The following NRXN3 variants were observed in gnomAD, a reference collection of about 807,000 sequenced individuals.
NRXN3 encodes neurexin III.
Under a neutral mutation model 137.6 loss-of-function variants are expected in NRXN3, and 32 were observed. The observed-to-expected ratio is 0.23, with a 90% confidence interval of 0.18 to 0.31. NRXN3 has a LOEUF of 0.31. NRXN3 is among the 10% of genes least tolerant of loss of function. NRXN3 has a pLI of 1.00. For missense variants in NRXN3, 1,574 were observed against 2,062.5 expected (o/e 0.76, Z 4.59); for synonymous variants, 798 against 784.5 (o/e 1.02, Z -0.29).
chr14:78,637,824 G>A (rs759672409), intron 4 of NRXN3, among the ~76,000 whole-genome samples: 3 of 152,164 alleles, frequency 2.0e-5, no homozygotes, highest in African/African-American at 7.2e-5. Context: ...TTTGTAAAAT[G>A]TCAGCTAATG....
intron 15 of NRXN3, chr14:79,280,044 C>T (rs1487063904): frequency 7.6e-7 from 1 of 1,322,692 alleles, no homozygotes; most frequent in Non-Finnish European, 9.6e-7. Context: ...CCTGGGAGGA[C>T]CCTGGCATTC....
rs556906146 is a variant in NRXN3, at chr14:79,280,597, C to T, written c.3263-186624C>T. 63 of 1,474,772 alleles carry T rather than the reference C, an allele frequency of 4.3e-5. No individual in the cohort carries two copies. The African/African-American group carries it at 7.9e-4, about 19-fold the overall frequency. 91.4% of individuals were successfully genotyped at this position (1,474,772 alleles called of 1,614,324 possible). On this transcript the variant is annotated intron_variant, in intron 15 of 20. Transcript: ENST00000335750. Reference sequence around the variant, plus strand: ...GCATAGCAATTCGCTAACCCACTAGCCTTGCAGGTAGTGTCAAAGGTGGGA... The same window carrying T: ...GCATAGCAATTCGCTAACCCACTAGTCTTGCAGGTAGTGTCAAAGGTGGGA...
intron 2 of NRXN3, among the ~76,000 whole-genome samples, chr14:78,248,293 C>T: frequency 5.6e-5 from 1 of 17,700 alleles, no homozygotes; most frequent in Non-Finnish European, 2.7e-4. Flanking sequence ...TGACTAGCCA[C>T]CGCCCCCCGC....
chr14:79,630,183 G>C (rs207474997), intron 16 of NRXN3, among the ~76,000 whole-genome samples: 1 of 152,132 alleles, frequency 6.6e-6, no homozygotes. Flanking sequence ...TTTGACAAAT[G>C]GTGCCTTTAT....
intron 16 of NRXN3, among the ~76,000 whole-genome samples, chr14:79,660,118 T>G (rs1293090998): frequency 6.6e-6 from 1 of 152,138 alleles, no homozygotes; most frequent in Non-Finnish European, 1.5e-5. Flanking sequence ...AGCCAATGCT[T>G]TTGTTCCCTC....
At chr14:79,372,496 A>G (rs2094140759) in intron 15 of NRXN3, among the ~76,000 whole-genome samples, 1 of 152,092 alleles carries the variant, frequency 6.6e-6, no homozygotes, top group Admixed American at 6.5e-5. Flanking sequence ...AATTCCTCAT[A>G]GGAAAACTAA....
intron 15 of NRXN3, among the ~76,000 whole-genome samples, chr14:79,434,545 C>T (rs573143935): frequency 2.0e-5 from 3 of 152,320 alleles, no homozygotes; most frequent in Non-Finnish European, 2.9e-5. Flanking sequence ...GTAACAAAAA[C>T]TCATGTCAGT....
At chr14:78,811,590 T>G (rs745962635) in intron 10 of NRXN3, among the ~76,000 whole-genome samples, 1 of 152,246 alleles carries the variant, frequency 6.6e-6, no homozygotes, top group African/African-American at 2.4e-5. Flanking sequence ...TCATCATCTT[T>G]AAAATTCTTT....
At chr14:78,230,142 A>G (rs956522910) in intron 1 of NRXN3, among the ~76,000 whole-genome samples, 3 of 152,016 alleles carry the variant, frequency 2.0e-5, no homozygotes, top group Non-Finnish European at 2.9e-5. Flanking sequence ...CTCCCGCCTC[A>G]GCTTCCCAAG....
chr14:79,137,439 C>A (rs72687493), intron 15 of NRXN3, among the ~76,000 whole-genome samples: 49,857 of 115,540 alleles, frequency 0.43, 8,680 homozygotes, highest in Admixed American at 0.54. Context: ...ACATACACCC[C>A]GCCTAAAAAC....
intron 4 of NRXN3, among the ~76,000 whole-genome samples, chr14:78,571,382 C>A (rs940755725): frequency 6.6e-6 from 1 of 152,072 alleles, no homozygotes; most frequent in African/African-American, 2.4e-5. Flanking sequence ...TCTCTTCAAA[C>A]TCAGAAGAGA....
intron 15 of NRXN3, among the ~76,000 whole-genome samples, chr14:79,133,270 TTG>T (rs781245067): frequency 1.3e-5 from 2 of 152,186 alleles, no homozygotes; most frequent in African/African-American, 4.8e-5. Context: ...ATGGTGTGAA[TTG>T]TGTGTTTCCC....
intron 6 of NRXN3, among the ~76,000 whole-genome samples, chr14:78,656,427 G>A (rs926278169): frequency 6.6e-6 from 1 of 152,134 alleles, no homozygotes; most frequent in Non-Finnish European, 1.5e-5. Flanking sequence ...AAGGCATGGA[G>A]GTAGAGCATG....
intron 1 of NRXN3, among the ~76,000 whole-genome samples, chr14:78,186,144 T>C (rs1005933262): frequency 1.3e-5 from 2 of 152,154 alleles, no homozygotes; most frequent in Non-Finnish European, 2.9e-5. Context: ...TCCATGGAGG[T>C]ACATTTGACA....
chr14:78,334,938 G>C (rs1281316029), intron 4 of NRXN3, among the ~76,000 whole-genome samples: 1 of 152,156 alleles, frequency 6.6e-6, no homozygotes, highest in African/African-American at 2.4e-5. Context: ...GCAACCCCAG[G>C]AGTTTGGACC....
intron 15 of NRXN3, among the ~76,000 whole-genome samples, chr14:79,032,766 A>G (rs1595155907): frequency 6.6e-6 from 1 of 152,280 alleles, no homozygotes; most frequent in East Asian, 1.9e-4. Context: ...TATAGTATGC[A>G]GTGGTAGGAA....
rs80157489 is a variant in NRXN3, at chr14:79,434,471, G to T, written c.3263-32750G>T. ...ATAATGTCAAGGCCTCTCAGAGTGGGTCAGGAAAGCAAAAAGGCCCATGGC... is the reference window on the plus strand; with the variant it reads ...ATAATGTCAAGGCCTCTCAGAGTGGTTCAGGAAAGCAAAAAGGCCCATGGC... On this transcript the variant is annotated intron_variant, in intron 15 of 20. Transcript: ENST00000335750. 9.2e-5 allele frequency among the ~76,000 whole-genome samples: 14 copies of T among 152,330 alleles called. No homozygotes were observed. The East Asian group carries it at 2.7e-3, about 29-fold the overall frequency.
At chr14:79,486,583 C>G (rs1173715167) in intron 16 of NRXN3, among the ~76,000 whole-genome samples, 2 of 152,092 alleles carry the variant, frequency 1.3e-5, no homozygotes, top group African/African-American at 4.8e-5. Context: ...TACTGCAGAG[C>G]CTATAAGCGA....
At chr14:79,855,568 T>C (rs2099400808) in intron 20 of NRXN3, among the ~76,000 whole-genome samples, 1 of 152,162 alleles carries the variant, frequency 6.6e-6, no homozygotes, top group South Asian at 2.1e-4. Context: ...TAAAATGTTA[T>C]TTTTAAAAAA....
Sources: allele counts gnomAD v4.1 joint callset (sites outside exome capture counted in the v4.1 genomes callset), GRCh38; gene constraint gnomAD v4.1.1; transcripts MANE v1.5; gene names NCBI Gene and HGNC (gene_info 2026-07-23, HGNC 2026-07-21).